The following GRID1 variants were observed in gnomAD, a reference collection of about 807,000 sequenced individuals.
GRID1 encodes the protein glutamate ionotropic receptor delta type subunit 1, also known as glutamate receptor ionotropic, delta-1.
Under a neutral mutation model 98.0 loss-of-function variants are expected in GRID1, and 28 were observed. The observed-to-expected ratio is 0.29, with a 90% CI of 0.21 to 0.39. GRID1 has a LOEUF of 0.39. Among genes scored for constraint, GRID1 ranks in the 10% least tolerant of loss-of-function variants. The probability of loss-of-function intolerance (pLI) is 1.00; values close to 1 mark genes in which losing one functional copy is unlikely to be tolerated. For synonymous variants in GRID1, 553 were observed against 538.5 expected (o/e 1.03, Z -0.37); for missense variants, 1,111 against 1,340.5 (o/e 0.83, Z 2.67).
intron 2 of GRID1, among the ~76,000 whole-genome samples, chr10:86,238,715 T>C (rs1446576804): frequency 1.3e-5 from 2 of 150,080 alleles, no homozygotes; most frequent in African/African-American, 4.9e-5. Context: ...AAGGTACAGC[T>C]TGGGCTTCAG....
chr10:86,361,298 T>C (rs1848597862), intron 2 of GRID1, among the ~76,000 whole-genome samples: 1 of 152,202 alleles, frequency 6.6e-6, no homozygotes, highest in African/African-American at 2.4e-5. Flanking sequence ...CCAAGGGCTA[T>C]GCAAGGTCAC....
chr10:86,011,623 A>G (rs1055150666), intron 4 of GRID1, among the ~76,000 whole-genome samples: 8 of 152,228 alleles, frequency 5.3e-5, no homozygotes, highest in Non-Finnish European at 4.4e-5. Flanking sequence ...CTCTGAGAAG[A>G]CTATTCCAAG....
At chr10:85,778,509 T>C (rs1285421615) in intron 8 of GRID1, among the ~76,000 whole-genome samples, 1 of 152,112 alleles carries the variant, frequency 6.6e-6, no homozygotes, top group Non-Finnish European at 1.5e-5. Flanking sequence ...CAGGATAGTG[T>C]GATAAGCAAA....
intron 4 of GRID1, among the ~76,000 whole-genome samples, chr10:85,936,994 G>C (rs1464943604): frequency 6.6e-6 from 1 of 152,180 alleles, no homozygotes; most frequent in Non-Finnish European, 1.5e-5. Flanking sequence ...ACCAAGCCCA[G>C]ACCGACCTGG....
At chr10:86,245,437 C>T (rs1413074046) in intron 2 of GRID1, among the ~76,000 whole-genome samples, 1 of 151,598 alleles carries the variant, frequency 6.6e-6, no homozygotes, top group African/African-American at 2.4e-5. Context: ...TTCTACCATT[C>T]GCTTTACTCC....
At chr10:85,896,179 C>T (rs1589291106) in intron 5 of GRID1, among the ~76,000 whole-genome samples, 1 of 151,970 alleles carries the variant, frequency 6.6e-6, no homozygotes, top group East Asian at 1.9e-4. Context: ...AGTTTCGTGG[C>T]TTTTCTGTCT....
intron 5 of GRID1, among the ~76,000 whole-genome samples, chr10:85,907,543 C>T (rs1841479872): frequency 6.6e-6 from 1 of 152,190 alleles, no homozygotes. Context: ...TAAAACACTT[C>T]CCTAAAGAAA....
chr10:86,342,214 T>C (rs902549320), intron 2 of GRID1, among the ~76,000 whole-genome samples: 5 of 152,094 alleles, frequency 3.3e-5, no homozygotes, highest in African/African-American at 9.7e-5. Flanking sequence ...AGTACTCAAA[T>C]AGGCAGGTCA....
At chr10:85,882,975 A>T (rs1244833456) in intron 5 of GRID1, among the ~76,000 whole-genome samples, 1 of 151,984 alleles carries the variant, frequency 6.6e-6, no homozygotes, top group South Asian at 2.1e-4. Flanking sequence ...GATTTCTTTC[A>T]ATAATTCTAG....
chr10:86,290,798 A>C (rs562875443), intron 2 of GRID1, among the ~76,000 whole-genome samples: 29 of 152,378 alleles, frequency 1.9e-4, no homozygotes, highest in African/African-American at 6.3e-4. Flanking sequence ...TGGAAAGCCA[A>C]GAATGAGTCA....
chr10:85,732,483 G>C (rs1005665163), intron 8 of GRID1, among the ~76,000 whole-genome samples: 3 of 152,136 alleles, frequency 2.0e-5, no homozygotes, highest in South Asian at 4.1e-4. Flanking sequence ...GGCTTTACCT[G>C]TCTTTCTACT....
intron 4 of GRID1, among the ~76,000 whole-genome samples, chr10:85,932,538 C>T (rs1841869778): frequency 6.6e-6 from 1 of 152,134 alleles, no homozygotes; most frequent in Admixed American, 6.5e-5. Context: ...AAAAACTGGC[C>T]CCAAGCACCT....
chr10:86,316,983 G>A (rs773314365), intron 2 of GRID1, among the ~76,000 whole-genome samples: 1 of 152,232 alleles, frequency 6.6e-6, no homozygotes, highest in African/African-American at 2.4e-5. Flanking sequence ...TGGTGGGGGT[G>A]TTGGGACAGG....
rs1848667224 is a variant in GRID1, at chr10:86,365,708, C to A, written c.79+606G>T. ...ACACATACACCAAGGGCTACACAGA[C>A]ACACACCGGAGAAGCAGGCAGACAC... On this transcript the variant is annotated intron_variant, in intron 1 of 15. Transcript: ENST00000327946. The surrounding 1 kb of genome is among the most constrained non-coding windows in gnomAD (Gnocchi z 4.8). Among the ~76,000 whole-genome samples, 1 of 152,146 alleles carries A rather than the reference C, an allele frequency of 6.6e-6. No homozygotes were observed. The highest frequency in any genetic ancestry group is 2.4e-5 in the African/African-American group (1 of 41,440).
At chr10:86,017,729 A>G (rs57714565) in intron 4 of GRID1, among the ~76,000 whole-genome samples, 2,741 of 152,334 alleles carry the variant, frequency 0.018, 76 homozygotes, top group African/African-American at 0.059. Context: ...GAATCAAAGT[A>G]GCTCTCCCTG....
intron 12 of GRID1, among the ~76,000 whole-genome samples, chr10:85,666,339 T>G (rs1430149611): frequency 6.6e-6 from 1 of 152,140 alleles, no homozygotes; most frequent in Non-Finnish European, 1.5e-5. Context: ...TGAACAGATG[T>G]TTCTCAGGGG....
intron 13 of GRID1, among the ~76,000 whole-genome samples, chr10:85,620,927 A>G (rs561039040): frequency 1.3e-5 from 2 of 152,226 alleles, no homozygotes; most frequent in African/African-American, 2.4e-5. Flanking sequence ...TGGTGTCACT[A>G]TCTCCACATC....
chr10:85,824,955 G>A (rs1842806051), intron 8 of GRID1, among the ~76,000 whole-genome samples: 1 of 152,140 alleles, frequency 6.6e-6, no homozygotes, highest in Non-Finnish European at 1.5e-5. Context: ...TCAGTTGATG[G>A]ATACTTAGGT....
chr10:86,366,477 G>C lies in GRID1; in HGVS notation c.-85C>G, dbSNP rs1848682908. 4.6e-6 allele frequency: 4 copies of C among 862,322 alleles called. No homozygotes were observed. The highest frequency in any genetic ancestry group is 6.3e-6 in the Non-Finnish European group (4 of 634,994). The allele number at this position is 862,322 out of a possible 1,614,324, so 53.4% of individuals were successfully genotyped here. ...GCGGGGAGGCGCTGGTCCCGGTGCA[G>C]TCCCGGGCCGCTCCCCGGGAGAGCC... On this transcript the variant is annotated 5_prime_UTR_variant, in exon 1 of 16. Coordinates refer to ENST00000327946, the MANE Select transcript of GRID1 (RefSeq NM_017551.3). This position sits in a 1 kb window ranked among gnomAD's most constrained non-coding sequence, Gnocchi z 4.1.
Sources: gnomAD v4.1 joint callset for allele counts (sites outside exome capture counted in the v4.1 genomes callset) on GRCh38, gnomAD v4.1.1 for gene constraint, Gnocchi (gnomAD v3.1) non-coding constraint, MANE v1.5 for transcripts, NCBI Gene and HGNC (gene_info 2026-07-23, HGNC 2026-07-21) for gene names.